The following SLC35D2 variants were observed in gnomAD, a reference collection of about 807,000 sequenced individuals.
SLC35D2 encodes the protein nucleotide sugar transporter SLC35D2.
Under a neutral mutation model 41.8 loss-of-function variants are expected in SLC35D2, and 43 were observed. The observed-to-expected ratio is 1.03, with a 90% CI of 0.81 to 1.33. The LOEUF (loss-of-function observed/expected upper bound fraction) is 1.33. Ranked by LOEUF, SLC35D2 falls within the 40% of genes most tolerant of loss-of-function variation. The pLI, the probability that SLC35D2 is intolerant of heterozygous loss-of-function variation, is 0.00. For missense variants in SLC35D2, 380 were observed against 408.4 expected, an observed-to-expected ratio of 0.93 and a Z score of 0.60; for synonymous variants, 150 against 163.9, an observed-to-expected ratio of 0.92 and a Z score of 0.65.
In SLC35D2 at chr9:96,373,827, C is replaced by T. The variant is rs143149473; in HGVS notation, c.159-5522G>A. The stretch of plus-strand genomic sequence containing the variant: ...GCTCTCTACGTTAATTTTCCCTCAG[C>T]TTCTTCGCTTTAGGGGGACCAGATG... On this transcript the variant is annotated intron_variant, in intron 1 of 11. Transcript: ENST00000253270. 3.2e-4 allele frequency among the ~76,000 whole-genome samples: 48 copies of T among 152,306 alleles called. No individual in the cohort carries two copies. The East Asian group carries it at 9.1e-3, about 29-fold the overall frequency.
At chr9:96,334,610 C>G (rs918526021) in intron 9 of SLC35D2, among the ~76,000 whole-genome samples, 2 of 152,084 alleles carry the variant, frequency 1.3e-5, no homozygotes, top group African/African-American at 4.8e-5. Context: ...TGGACTCCAG[C>G]CTGGGAGACA....
chr9:96,358,080 T>TTATATATATATATATATATATATATA lies in SLC35D2; in HGVS notation c.347+2048_347+2073dup, dbSNP rs34633441. Among the ~76,000 whole-genome samples, 249 of 122,550 alleles carry TTATATATATATATATATATATATATA rather than the reference T, an allele frequency of 2.0e-3. 14 individuals carry two copies. Among genetic ancestry groups the TTATATATATATATATATATATATATA allele is most frequent in the African/African-American group, 9.3e-3 (237 of 25,482 alleles). The allele number at this position is 122,550 out of a possible 152,430, so 80.4% of individuals were successfully genotyped here. On this transcript the variant is annotated intron_variant, in intron 4 of 11. Transcript: ENST00000253270. Reference sequence around the variant, plus strand: ...ATGGATAAACAAAATATTATATATTTTATATATATATATATATATATATAT... The same window carrying TTATATATATATATATATATATATATA: ...ATGGATAAACAAAATATTATATATTTTATATATATATATATATATATATATATATATATATATATATATATATATAT...
chr9:96,332,938 C>T lies in SLC35D2; in HGVS notation c.752+3779G>A, dbSNP rs1414425863. ...TTTTTGAGACAGAGTCTCGCTCTGTCGCGAGGCTGTAGTACAGTGGCACGA... is the reference window on the plus strand; with the variant it reads ...TTTTTGAGACAGAGTCTCGCTCTGTTGCGAGGCTGTAGTACAGTGGCACGA... On this transcript the variant is annotated intron_variant, in intron 9 of 11. Transcript: ENST00000253270. Among the ~76,000 whole-genome samples the T allele has an allele frequency of 2.7e-5, 4 of 147,240 alleles. No individual in the cohort carries two copies. In the East Asian group the frequency reaches 6.2e-4, roughly 23 times the overall value.
intron 4 of SLC35D2, among the ~76,000 whole-genome samples, chr9:96,354,029 C>T (rs1039997431): frequency 1.3e-5 from 2 of 152,304 alleles, no homozygotes; most frequent in African/African-American, 4.8e-5. Flanking sequence ...TATATTCACA[C>T]CTAAAGATGT....
rs1829099247 is a variant in SLC35D2 at position 96,337,504 on chromosome 9, C to T, written c.685-720G>A. Among the ~76,000 whole-genome samples the T allele has an allele frequency of 1.3e-5, 2 of 151,224 alleles. 1 individual carries two copies. Among genetic ancestry groups the T allele is most frequent in the South Asian group, 4.2e-4 (2 of 4,796 alleles). On this transcript the variant is annotated intron_variant, in intron 8 of 11. Transcript: ENST00000253270. ...AAGTACTGGGATTACAGGCATGAAC[C>T]ACCACACCCAGCCAAAAAGTTTATT...
intron 8 of SLC35D2, 22 bp downstream of exon 8, chr9:96,343,880 CTG>C (rs760596641): frequency 6.9e-7 from 1 of 1,440,820 alleles, no homozygotes; most frequent in Non-Finnish European, 9.3e-7. Flanking sequence ...CTAAGGAAAA[CTG>C]TAATGATTGT....
chr9:96,354,108 A>C (rs1346028283), intron 4 of SLC35D2, among the ~76,000 whole-genome samples: 1 of 152,232 alleles, frequency 6.6e-6, no homozygotes, highest in Non-Finnish European at 1.5e-5. Flanking sequence ...TTATATTTTC[A>C]ATTGCATTCG....
At chr9:96,324,211 G>A (rs539084624) in intron 9 of SLC35D2, 42 bp from the exon 10 acceptor site, 36 of 1,542,130 alleles carry the variant, frequency 2.3e-5, no homozygotes, top group African/African-American at 6.8e-5. Flanking sequence ...GCCTCACTAC[G>A]CTGGGTAATG....
chr9:96,361,546 A>G (rs1285371148), intron 3 of SLC35D2, among the ~76,000 whole-genome samples: 3 of 152,134 alleles, frequency 2.0e-5, no homozygotes, highest in Non-Finnish European at 1.5e-5. Flanking sequence ...TTAGCAAGGC[A>G]TGGTAGCAAA....
At chr9:96,357,894 C>T (rs1830092579) in intron 4 of SLC35D2, among the ~76,000 whole-genome samples, 1 of 151,508 alleles carries the variant, frequency 6.6e-6, no homozygotes, top group African/African-American at 2.4e-5. Flanking sequence ...TAAAAATAAG[C>T]CAGGCGTGGT....
At chr9:96,378,246 C>A (rs1332547142) in intron 1 of SLC35D2, among the ~76,000 whole-genome samples, 5 of 148,764 alleles carry the variant, frequency 3.4e-5, no homozygotes, top group African/African-American at 1.2e-4. Flanking sequence ...CCAGCCTGAG[C>A]AACATACTGA....
At chr9:96,337,981 CAAAAAAAAAAA>C (rs67714645) in intron 8 of SLC35D2, among the ~76,000 whole-genome samples, 1 of 33,906 alleles carries the variant, frequency 2.9e-5, no homozygotes. Flanking sequence ...AACTCCACCT[CAAAAAAAAAAA>C]AAAAAAAAAA....
chr9:96,350,870 A>G (rs910952935), intron 6 of SLC35D2: 4 of 393,916 alleles, frequency 1.0e-5, no homozygotes, highest in African/African-American at 6.0e-5. Flanking sequence ...AAGAAAAGCT[A>G]TATTAATATC....
At chr9:96,340,534 C>T (rs1371253400) in intron 8 of SLC35D2, among the ~76,000 whole-genome samples, 2 of 139,250 alleles carry the variant, frequency 1.4e-5, no homozygotes, top group African/African-American at 2.7e-5. Context: ...GCAGGAGAAT[C>T]GCTTGAACCC....
chr9:96,326,314 G>C (rs1217476902), intron 9 of SLC35D2, among the ~76,000 whole-genome samples: 1 of 152,162 alleles, frequency 6.6e-6, no homozygotes, highest in South Asian at 2.1e-4. Context: ...AGTTGAAAAT[G>C]CTTAAATTCT....
chr9:96,342,059 G>A (rs926363342), intron 8 of SLC35D2, among the ~76,000 whole-genome samples: 5 of 151,316 alleles, frequency 3.3e-5, no homozygotes, highest in Admixed American at 2.6e-4. Flanking sequence ...ATAATGAAAG[G>A]AGACAAGCCT....
intron 1 of SLC35D2, among the ~76,000 whole-genome samples, chr9:96,377,287 C>A (rs1831001407): frequency 6.6e-6 from 1 of 152,082 alleles, no homozygotes. Flanking sequence ...CAAAATATGG[C>A]TCCAAGAATA....
chr9:96,370,664 T>TAA (rs113625991), intron 1 of SLC35D2, among the ~76,000 whole-genome samples: 3 of 147,910 alleles, frequency 2.0e-5, no homozygotes, highest in African/African-American at 7.5e-5. Context: ...CTCCAAAAAA[T>TAA]AAAAAAAAAT....
At chr9:96,375,315 C>T (rs943895746) in intron 1 of SLC35D2, among the ~76,000 whole-genome samples, 3 of 151,946 alleles carry the variant, frequency 2.0e-5, no homozygotes, top group East Asian at 1.9e-4. Context: ...CAGTGGGTCA[C>T]GCCTGTAATC....
Sources: allele counts gnomAD v4.1 joint callset (sites outside exome capture counted in the v4.1 genomes callset), GRCh38; gene constraint gnomAD v4.1.1; transcripts MANE v1.5; gene names NCBI Gene and HGNC (gene_info 2026-07-23, HGNC 2026-07-21).